Variants in N4BP1 observed in about 807,000 individuals in gnomAD.
N4BP1 encodes the protein NEDD4 binding protein 1, also known as NEDD4-binding protein 1.
N4BP1 carries 21 observed loss-of-function variants against 70.9 expected under a neutral mutation model. That is an observed-to-expected ratio of 0.30 (90% confidence interval 0.21 to 0.43). N4BP1 has a LOEUF of 0.43. Among genes scored for constraint, N4BP1 ranks in the 20% least tolerant of loss-of-function variants. The pLI is 1.00. For synonymous variants in N4BP1, 387 were observed against 394.6 expected, an observed-to-expected ratio of 0.98 and a Z score of 0.23; for missense variants, 936 against 1,069.4, an observed-to-expected ratio of 0.88 and a Z score of 1.74.
intron 1 of N4BP1, among the ~76,000 whole-genome samples, chr16:48,593,968 C>G (rs1163275106): frequency 1.5e-5 from 2 of 135,838 alleles, no homozygotes; most frequent in Non-Finnish European, 3.0e-5. Flanking sequence ...TGCCACTGCA[C>G]TCCAGCCTGG....
chr16:48,543,700 G>C (rs1371043730), intron 6 of N4BP1, among the ~76,000 whole-genome samples: 1 of 152,200 alleles, frequency 6.6e-6, no homozygotes, highest in Non-Finnish European at 1.5e-5. Flanking sequence ...ACTCAGTCTA[G>C]ATGAGGTGTG....
intron 2 of N4BP1, among the ~76,000 whole-genome samples, chr16:48,556,259 A>G (rs913640861): frequency 6.6e-6 from 1 of 152,214 alleles, no homozygotes; most frequent in African/African-American, 2.4e-5. Context: ...TAAAACTACA[A>G]TGACAAAAAA....
chr16:48,553,812 G>A, intron 2 of N4BP1, 143 bp from the exon 3 acceptor site: 1 of 690,482 alleles, frequency 1.4e-6, no homozygotes, highest in Non-Finnish European at 2.2e-6. Flanking sequence ...TTGGCATTTA[G>A]TTGCACAAAG....
At chr16:48,591,632 GT>G (rs34007822) in intron 1 of N4BP1, among the ~76,000 whole-genome samples, 51,745 of 136,870 alleles carry the variant, frequency 0.38, 9,596 homozygotes, top group African/African-American at 0.49. Flanking sequence ...AAAGGCCTTG[GT>G]TTTTTTTTTT....
chr16:48,564,778 G>T (rs1963915106), intron 1 of N4BP1, among the ~76,000 whole-genome samples: 1 of 152,182 alleles, frequency 6.6e-6, no homozygotes, highest in African/African-American at 2.4e-5. Flanking sequence ...GACATCTGCT[G>T]AGTCTCCTGA....
At chr16:48,553,841 T>C (rs1351767983) in intron 2 of N4BP1, among the ~76,000 whole-genome samples, 172 bp from the exon 3 acceptor site, 1 of 152,228 alleles carries the variant, frequency 6.6e-6, no homozygotes, top group Non-Finnish European at 1.5e-5. Context: ...GAACCCACTG[T>C]AGGGGACAGA....
chr16:48,561,705 G>C lies in N4BP1; in HGVS notation c.938C>G (p.Ala313Gly), dbSNP rs377300415. The C allele has an allele frequency of 2.1e-5, 34 of 1,612,382 alleles. No homozygotes were observed. Among genetic ancestry groups the C allele is most frequent in the African/African-American group, 2.7e-5 (2 of 74,912 alleles). Residue 313 changes from alanine (A) to glycine (G), a missense_variant, in exon 2 of 7, where the codon GCT (alanine) becomes GGT (glycine). Transcript: ENST00000262384. ...NVQEGEILHD[A>G]KTLAGNVIAD... ...TATTACATTTCCAGCCAATGTCTTA[G>C]CATCGTGTAAAATCTCCCCCTCCTG...
chr16:48,575,337 A>G (rs1964077534), intron 1 of N4BP1, among the ~76,000 whole-genome samples: 1 of 152,148 alleles, frequency 6.6e-6, no homozygotes, highest in African/African-American at 2.4e-5. Context: ...CAATGTTCTT[A>G]TTCTGTTTTA....
At chr16:48,600,848 T>C (rs551236315) in intron 1 of N4BP1, among the ~76,000 whole-genome samples, 4 of 152,264 alleles carry the variant, frequency 2.6e-5, no homozygotes, top group Non-Finnish European at 5.9e-5. Context: ...CTGATAGATA[T>C]GTAAATCACG....
chr16:48,598,677 A>C (rs890241637), intron 1 of N4BP1, among the ~76,000 whole-genome samples: 12 of 152,194 alleles, frequency 7.9e-5, no homozygotes, highest in African/African-American at 2.9e-4. Flanking sequence ...ATCTGACCTG[A>C]AATTGCCTAG....
intron 2 of N4BP1, 93 bp from the exon 3 acceptor site, chr16:48,553,762 A>C (rs1435120503): frequency 1.9e-6 from 2 of 1,060,012 alleles, no homozygotes; most frequent in Admixed American, 3.6e-5. Flanking sequence ...CACATACAAC[A>C]AACAGTAAGA....
At chr16:48,554,450 A>G (rs1963722515) in intron 2 of N4BP1, among the ~76,000 whole-genome samples, 1 of 152,234 alleles carries the variant, frequency 6.6e-6, no homozygotes, top group South Asian at 2.1e-4. Context: ...ACACATTTCA[A>G]CGGAAAGGAA....
At chr16:48,584,645 C>A (rs1964217414) in intron 1 of N4BP1, among the ~76,000 whole-genome samples, 1 of 151,654 alleles carries the variant, frequency 6.6e-6, no homozygotes, top group Non-Finnish European at 1.5e-5. Flanking sequence ...TGTAGTGATA[C>A]ATGCCTGTAT....
rs1003973481 is a variant in N4BP1, at chr16:48,588,842, C to T, written c.198+20933G>A. ...CTTGGACCATTTTGTATATACAACC[C>T]CTGAGGTAAAAATAGTTTTTACATT... On this transcript the variant is annotated intron_variant, in intron 1 of 6. Coordinates refer to ENST00000262384, the MANE Select transcript of N4BP1 (RefSeq NM_153029.4). Among the ~76,000 whole-genome samples, 4 of 152,034 alleles carry T rather than the reference C, an allele frequency of 2.6e-5. No individual in the cohort carries two copies. In the East Asian group the frequency reaches 5.8e-4, roughly 22 times the overall value.
At chr16:48,569,123 T>C (rs557777989) in intron 1 of N4BP1, among the ~76,000 whole-genome samples, 3 of 152,358 alleles carry the variant, frequency 2.0e-5, no homozygotes, top group East Asian at 1.9e-4. Flanking sequence ...TGTCAAATAA[T>C]TGCAACATCT....
chr16:48,551,961 A>C (rs944469330), intron 3 of N4BP1, among the ~76,000 whole-genome samples: 1 of 152,056 alleles, frequency 6.6e-6, no homozygotes, highest in Non-Finnish European at 1.5e-5. Context: ...GAGGTTGCAG[A>C]GAGCTGAGAC....
rs1350699815 is a variant in N4BP1, at chr16:48,561,715, A to C, written c.928T>G (p.Leu310Val). Residue 310 changes from leucine to valine, a missense_variant, in exon 2 of 7, where the codon TTA (leucine) becomes GTA (valine). Physicochemically the swap from Leu to Val is conservative, Grantham distance 32 (BLOSUM62 1). Around this residue, in one of 4 missense-constraint regions of N4BP1, gnomAD observed 515 missense variants for 491.7 expected, o/e 1.05. Transcript: ENST00000262384. ...SLENVQEGEI[L>V]HDAKTLAGNV... ...CCAGCCAATGTCTTAGCATCGTGTA[A>C]AATCTCCCCCTCCTGAACATTTTCC... The C allele has an allele frequency of 6.2e-7, 1 of 1,612,278 alleles. No homozygotes were observed. Among genetic ancestry groups the C allele is most frequent in the Non-Finnish European group, 8.5e-7 (1 of 1,179,894 alleles).
intron 5 of N4BP1, 39 bp from the exon 6 acceptor site, chr16:48,546,293 C>A: frequency 6.9e-7 from 1 of 1,450,058 alleles, no homozygotes; most frequent in Non-Finnish European, 9.4e-7. Flanking sequence ...AGACAGGGTC[C>A]TCACTGCCCA....
intron 1 of N4BP1, among the ~76,000 whole-genome samples, chr16:48,585,076 C>G (rs1964224325): frequency 6.6e-6 from 1 of 151,968 alleles, no homozygotes; most frequent in African/African-American, 2.4e-5. Flanking sequence ...AGATTACAGG[C>G]ACCTGCCACC....
Sources: allele counts gnomAD v4.1 joint callset (sites outside exome capture counted in the v4.1 genomes callset), GRCh38; gene constraint gnomAD v4.1.1; regional missense constraint gnomAD v4.1.1; transcripts MANE v1.5; gene names NCBI Gene and HGNC (gene_info 2026-07-23, HGNC 2026-07-21).